Variants in GRID2 observed in about 807,000 individuals in gnomAD.
GRID2 encodes glutamate receptor ionotropic, delta-2.
A neutral mutation model predicts 114.8 loss-of-function variants in GRID2; 33 were observed. The ratio of observed to expected loss-of-function variants is 0.29; its 90% CI spans 0.22 to 0.38. GRID2 has a LOEUF of 0.38. Among genes scored for constraint, GRID2 ranks in the 10% least tolerant of loss-of-function variants. The probability of loss-of-function intolerance (pLI) is 1.00; values close to 1 mark genes in which losing one functional copy is unlikely to be tolerated. For synonymous variants in GRID2, 505 were observed against 449.9 expected (o/e 1.12, Z -1.55); for missense variants, 1,184 against 1,257.7 (o/e 0.94, Z 0.89).
intron 2 of GRID2, among the ~76,000 whole-genome samples, chr4:93,028,587 T>C (rs1396007194): frequency 6.6e-6 from 1 of 152,184 alleles, no homozygotes; most frequent in Admixed American, 6.5e-5. Flanking sequence ...TTGGAATCTT[T>C]TTTTTTATAT....
rs75306870 is a variant in GRID2 at position 92,736,872 on chromosome 4, T to C, written c.244+146586T>C. 4.9e-4 allele frequency among the ~76,000 whole-genome samples: 74 copies of C among 152,164 alleles called. No homozygotes were observed. In the East Asian group the frequency reaches 0.014, roughly 29 times the overall value. On this transcript the variant is annotated intron_variant, in intron 2 of 15. Coordinates refer to ENST00000282020, the MANE Select transcript of GRID2 (RefSeq NM_001510.4). ...AGGAAGAGATCACTGTGGACAGGAATACTCAGAAAGAATTCTAAAATACAT... is the reference window on the plus strand; with the variant it reads ...AGGAAGAGATCACTGTGGACAGGAACACTCAGAAAGAATTCTAAAATACAT...
At chr4:93,759,823 C>T (rs550302083) in intron 14 of GRID2, among the ~76,000 whole-genome samples, 7 of 152,192 alleles carry the variant, frequency 4.6e-5, no homozygotes, top group African/African-American at 7.2e-5. Flanking sequence ...CAGTGGAACA[C>T]GTGTTAGCCA....
At chr4:92,504,257 G>T (rs1723837005) in intron 1 of GRID2, among the ~76,000 whole-genome samples, 1 of 152,036 alleles carries the variant, frequency 6.6e-6, no homozygotes. Context: ...GATTCTAAGA[G>T]AAATCACATG....
At chr4:93,408,084 C>T (rs564108059) in intron 9 of GRID2, among the ~76,000 whole-genome samples, 1 of 152,104 alleles carries the variant, frequency 6.6e-6, no homozygotes, top group African/African-American at 2.4e-5. Flanking sequence ...AGTATTGAGG[C>T]CGAGTAGTCT....
At chr4:93,443,498 T>C (rs1160481691) in intron 10 of GRID2, among the ~76,000 whole-genome samples, 1 of 151,958 alleles carries the variant, frequency 6.6e-6, no homozygotes, top group Non-Finnish European at 1.5e-5. Context: ...GGCAAAAAGT[T>C]AATCAAATTT....
At chr4:92,590,363 A>G in intron 2 of GRID2, 77 bp downstream of exon 2, 5 of 975,140 alleles carry the variant, frequency 5.1e-6, no homozygotes, top group Non-Finnish European at 7.9e-6. Flanking sequence ...GAAACTTATT[A>G]AACATGGACA....
At chr4:92,498,755 C>T (rs186693415) in intron 1 of GRID2, among the ~76,000 whole-genome samples, 2 of 151,830 alleles carry the variant, frequency 1.3e-5, no homozygotes, top group East Asian at 1.9e-4. Flanking sequence ...ACATTCAGTT[C>T]TATAAATGCA....
chr4:92,890,240 T>A (rs1485375796), intron 2 of GRID2, among the ~76,000 whole-genome samples: 1 of 152,018 alleles, frequency 6.6e-6, no homozygotes, highest in African/African-American at 2.4e-5. Context: ...CTGAAGCAGT[T>A]GCAACAAAAG....
At chr4:92,422,140 T>G (rs1731938672) in intron 1 of GRID2, among the ~76,000 whole-genome samples, 1 of 152,010 alleles carries the variant, frequency 6.6e-6, no homozygotes, top group Non-Finnish European at 1.5e-5. Flanking sequence ...ACCTCAGTGA[T>G]GTAATGTGAA....
intron 13 of GRID2, among the ~76,000 whole-genome samples, chr4:93,537,457 T>A (rs1732211021): frequency 6.6e-6 from 1 of 151,776 alleles, no homozygotes; most frequent in Non-Finnish European, 1.5e-5. Flanking sequence ...TAAAAAGTGA[T>A]AATTACCATC....
intron 14 of GRID2, among the ~76,000 whole-genome samples, chr4:93,630,940 T>C (rs187022515): frequency 2.0e-5 from 3 of 152,328 alleles, no homozygotes; most frequent in East Asian, 1.9e-4. Flanking sequence ...TATATTCTTA[T>C]ATTGTCCTTA....
chr4:93,105,460 A>C (rs1451423153), intron 3 of GRID2, among the ~76,000 whole-genome samples: 2 of 152,082 alleles, frequency 1.3e-5, no homozygotes, highest in African/African-American at 4.8e-5. Flanking sequence ...TTAAGTCTTT[A>C]ATCCATCTTG....
chr4:93,592,592 G>A (rs944515863), intron 13 of GRID2, among the ~76,000 whole-genome samples: 90 of 152,244 alleles, frequency 5.9e-4, no homozygotes, highest in Admixed American at 2.2e-3. Flanking sequence ...GCAGAGCTGA[G>A]TTCAATTCCT....
At chr4:92,351,114 A>G (rs2110183368) in intron 1 of GRID2, among the ~76,000 whole-genome samples, 1 of 151,966 alleles carries the variant, frequency 6.6e-6, no homozygotes, top group African/African-American at 2.4e-5. Flanking sequence ...TTTGGCTATC[A>G]TGATTAATGT....
Position 92,961,673 on chromosome 4 carries a change from C to T in GRID2, c.245-123322C>T, listed in dbSNP as rs1446071515. On this transcript the variant is annotated intron_variant, in intron 2 of 15. Coordinates refer to ENST00000282020, the MANE Select transcript of GRID2 (RefSeq NM_001510.4). ...GTTTTCTTAGCATTTATCTTGCTTG[C>T]TGTTCTCTGAGGTTCCTGAATCTTT... Among the ~76,000 whole-genome samples the T allele has an allele frequency of 2.0e-5, 3 of 151,412 alleles. No homozygotes were observed. In the East Asian group the frequency reaches 5.9e-4, roughly 30 times the overall value.
At chr4:93,587,607 A>G (rs1328688415) in intron 13 of GRID2, among the ~76,000 whole-genome samples, 1 of 152,036 alleles carries the variant, frequency 6.6e-6, no homozygotes, top group Non-Finnish European at 1.5e-5. Flanking sequence ...AGTATTACTG[A>G]GCTTTTAGGA....
At chr4:93,444,377 T>C (rs1248118071) in intron 10 of GRID2, among the ~76,000 whole-genome samples, 1 of 151,972 alleles carries the variant, frequency 6.6e-6, no homozygotes, top group East Asian at 1.9e-4. Flanking sequence ...ACGTGGTTTC[T>C]GAGAAACAGT....
chr4:93,066,391 G>T (rs1425751374), intron 2 of GRID2, among the ~76,000 whole-genome samples: 1 of 151,832 alleles, frequency 6.6e-6, no homozygotes, highest in Non-Finnish European at 1.5e-5. Flanking sequence ...AGATTTGCCT[G>T]GACAAATTAA....
intron 1 of GRID2, among the ~76,000 whole-genome samples, chr4:92,390,831 A>G (rs1730206039): frequency 6.6e-6 from 1 of 152,096 alleles, no homozygotes; most frequent in Admixed American, 6.6e-5. Context: ...TTTATCGTAT[A>G]TATTTTCTGT....
Sources: gnomAD v4.1 joint callset for allele counts (sites outside exome capture counted in the v4.1 genomes callset) on GRCh38, gnomAD v4.1.1 for gene constraint, MANE v1.5 for transcripts, NCBI Gene and HGNC (gene_info 2026-07-23, HGNC 2026-07-21) for gene names.